TTLL1: variants seen among roughly 807,000 people sequenced by gnomAD.
TTLL1 encodes the protein TTL family tubulin polyglutamylase complex subunit L1.
A neutral mutation model predicts 47.8 loss-of-function variants in TTLL1; 33 were observed. The observed-to-expected ratio is 0.69, with a 90% CI of 0.52 to 0.92. The LOEUF (loss-of-function observed/expected upper bound fraction) is 0.92, where lower values mean the gene tolerates loss of function less well. Among genes scored for constraint, TTLL1 ranks in the 40% least tolerant of loss-of-function variants. The pLI, the probability that TTLL1 is intolerant of heterozygous loss-of-function variation, is 0.00. For missense variants in TTLL1, 488 were observed against 547.5 expected (o/e 0.89, Z 1.08); for synonymous variants, 225 against 214.1 (o/e 1.05, Z -0.45).
rs1301183192 is a variant in TTLL1 at position 43,063,776 on chromosome 22, TC to T, written c.747+36del. Reference sequence around the variant, plus strand: ...CCACCACACCCGGCCTGAAAGTCAGTCCATTTCTGTAAGCACAAATGAAAGG... The same window carrying T: ...CCACCACACCCGGCCTGAAAGTCAGTCATTTCTGTAAGCACAAATGAAAGG... On this transcript the variant is annotated intron_variant, in intron 7 of 10. Coordinates refer to ENST00000266254, the MANE Select transcript of TTLL1 (RefSeq NM_012263.5). The T allele has an allele frequency of 1.9e-6, 3 of 1,596,080 alleles. No individual in the cohort carries two copies. The African/African-American group carries it at 4.0e-5, about 21-fold the overall frequency.
intron 5 of TTLL1, among the ~76,000 whole-genome samples, chr22:43,067,118 G>A (rs1014427027): frequency 7.2e-5 from 11 of 152,286 alleles, no homozygotes; most frequent in South Asian, 6.2e-4. Flanking sequence ...GGTGGGCCCC[G>A]GGCACTTCTG....
chr22:43,069,908 C>T, intron 3 of TTLL1, 64 bp from the exon 4 acceptor site: 1 of 1,581,654 alleles, frequency 6.3e-7, no homozygotes, highest in South Asian at 1.1e-5. Flanking sequence ...TCCTTTGTTC[C>T]CGTCCCCGCA....
chr22:43,044,611 G>A (rs1245069195), intron 10 of TTLL1, among the ~76,000 whole-genome samples: 1 of 152,010 alleles, frequency 6.6e-6, no homozygotes. Flanking sequence ...CTACTCCTCC[G>A]CCTTTTACTG....
intron 6 of TTLL1, 84 bp from the exon 7 acceptor site, chr22:43,064,005 TTGTG>T (rs1927564152): frequency 6.8e-7 from 1 of 1,471,162 alleles, no homozygotes; most frequent in African/African-American, 1.4e-5. Context: ...AGAGCTGCTT[TTGTG>T]TGTGTGATTT....
At chr22:43,047,748 C>T (rs371509187) in intron 9 of TTLL1, among the ~76,000 whole-genome samples, 12 of 152,196 alleles carry the variant, frequency 7.9e-5, no homozygotes, top group East Asian at 3.9e-4. Flanking sequence ...GGGTTACAGG[C>T]GTGAGCCACC....
chr22:43,052,105 C>G, intron 8 of TTLL1: 3 of 556,964 alleles, frequency 5.4e-6, no homozygotes, highest in Admixed American at 5.9e-5. Context: ...ATTGATGAAG[C>G]CGTAATGGGC....
At chr22:43,067,970 A>ATTTTTTTT (rs528981760) in intron 5 of TTLL1, among the ~76,000 whole-genome samples, 1 of 129,646 alleles carries the variant, frequency 7.7e-6, no homozygotes, top group Non-Finnish European at 1.6e-5. Flanking sequence ...CACCTGGCTA[A>ATTTTTTTT]TTTTTTTTTT....
chr22:43,063,838 G>A lies in TTLL1; in HGVS notation c.722C>T (p.Thr241Ile). The A allele has an allele frequency of 6.2e-7, 1 of 1,614,014 alleles. No homozygotes were observed. The highest frequency in any genetic ancestry group is 8.5e-7 in the Non-Finnish European group (1 of 1,179,910). Residue 241 changes from threonine (T) to isoleucine (I), a missense_variant, in exon 7 of 11, where the codon ACC (threonine) becomes ATC (isoleucine). Transcript: ENST00000266254. Reference protein sequence around the residue: ...SELDNMFVHLTNVAIQKHGED... With the variant: ...SELDNMFVHLINVAIQKHGED... ...CCCGTGTTTCTGGATGGCGACGTTG[G>A]TGAGATGAACGAACATGTTGTCCAG...
intron 3 of TTLL1, among the ~76,000 whole-genome samples, chr22:43,070,910 T>C (rs35666922): frequency 0.22 from 33,000 of 152,048 alleles, 4,465 homozygotes; most frequent in Middle Eastern, 0.35. Flanking sequence ...TATGTATGTA[T>C]GTATGTATGT....
At chr22:43,088,560 G>A (rs550738721) in intron 1 of TTLL1, among the ~76,000 whole-genome samples, 1 of 151,038 alleles carries the variant, frequency 6.6e-6, no homozygotes, top group East Asian at 2.0e-4. Flanking sequence ...AGCCAGGATG[G>A]TCTCGATCTC....
At chr22:43,041,971 A>G (rs958670586) in intron 10 of TTLL1, among the ~76,000 whole-genome samples, 3 of 152,184 alleles carry the variant, frequency 2.0e-5, no homozygotes, top group African/African-American at 7.2e-5. Context: ...GAAGCCGGAC[A>G]GGACACCCCT....
chr22:43,072,860 A>C (rs574474493), intron 3 of TTLL1, among the ~76,000 whole-genome samples: 3 of 152,016 alleles, frequency 2.0e-5, no homozygotes, highest in Non-Finnish European at 4.4e-5. Flanking sequence ...CTGGGATTAC[A>C]GGCATGAGCC....
At chr22:43,064,096 C>A in intron 6 of TTLL1, 94 bp downstream of exon 6, 1 of 1,556,666 alleles carries the variant, frequency 6.4e-7, no homozygotes. Context: ...ACCGCACATG[C>A]ACTGTTTTAT....
Position 43,074,946 on chromosome 22 carries a change from C to T in TTLL1, c.113+528G>A, listed in dbSNP as rs145215059. Reference sequence around the variant, plus strand: ...ATCCCAGCACTTTGGGAGGCCGAGGCGGGTGGATCACAAAGTTCAAGACCA... The same window carrying T: ...ATCCCAGCACTTTGGGAGGCCGAGGTGGGTGGATCACAAAGTTCAAGACCA... On this transcript the variant is annotated intron_variant, in intron 3 of 10. Transcript: ENST00000266254. Among the ~76,000 whole-genome samples the T allele has an allele frequency of 2.5e-4, 38 of 152,098 alleles. No individual in the cohort carries two copies. In the East Asian group the frequency reaches 6.8e-3, roughly 27 times the overall value.
At chr22:43,074,296 A>G (rs1928333440) in intron 3 of TTLL1, among the ~76,000 whole-genome samples, 1 of 151,826 alleles carries the variant, frequency 6.6e-6, no homozygotes, top group Non-Finnish European at 1.5e-5. Flanking sequence ...GCGTGGTGGC[A>G]CATGCTTGTA....
chr22:43,068,359 A>C, intron 5 of TTLL1, 51 bp downstream of exon 5: 1 of 1,408,788 alleles, frequency 7.1e-7, no homozygotes, highest in Non-Finnish European at 9.4e-7. Flanking sequence ...GAACAGCATA[A>C]AACGGTGAAC....
At chr22:43,049,424 G>A (rs1212030648) in intron 9 of TTLL1, among the ~76,000 whole-genome samples, 1 of 152,116 alleles carries the variant, frequency 6.6e-6, no homozygotes, top group East Asian at 1.9e-4. Context: ...TCGGGAGACT[G>A]AGGCAGGAGA....
At chr22:43,069,930 C>A in intron 3 of TTLL1, 86 bp from the exon 4 acceptor site, 2 of 1,527,014 alleles carry the variant, frequency 1.3e-6, no homozygotes, top group South Asian at 1.2e-5. Context: ...ACACCCTGAA[C>A]CCTCAGCACC....
At chr22:43,054,949 C>T (rs948085606) in intron 8 of TTLL1, among the ~76,000 whole-genome samples, 2 of 151,520 alleles carry the variant, frequency 1.3e-5, no homozygotes, top group Non-Finnish European at 2.9e-5. Context: ...TGGTCTTGAT[C>T]TTCTGACCTT....
Sources: allele counts gnomAD v4.1 joint callset (sites outside exome capture counted in the v4.1 genomes callset), GRCh38; gene constraint gnomAD v4.1.1; transcripts MANE v1.5; gene names NCBI Gene and HGNC (gene_info 2026-07-23, HGNC 2026-07-21).